PNPT1: variants seen among roughly 807,000 people sequenced by gnomAD.
PNPT1 encodes the protein polyribonucleotide nucleotidyltransferase 1, mitochondrial.
Under a neutral mutation model 119.5 loss-of-function variants are expected in PNPT1, and 53 were observed. The observed-to-expected ratio is 0.44, with a 90% CI of 0.36 to 0.56. The LOEUF (loss-of-function observed/expected upper bound fraction) is 0.56. Among genes scored for constraint, PNPT1 ranks in the 20% least tolerant of loss-of-function variants. The pLI is 0.00. For synonymous variants in PNPT1, 357 were observed against 322.1 expected (o/e 1.11, Z -1.16); for missense variants, 948 against 938.5 (o/e 1.01, Z -0.13).
chr2:55,668,331 G>C (rs1696803000), intron 11 of PNPT1, among the ~76,000 whole-genome samples: 1 of 152,138 alleles, frequency 6.6e-6, no homozygotes, highest in African/African-American at 2.4e-5. Flanking sequence ...CTGTCTCCTG[G>C]GTTCAAGCAA....
chr2:55,668,072 C>T (rs1413640193), intron 11 of PNPT1, 114 bp from the exon 12 acceptor site: 1 of 908,724 alleles, frequency 1.1e-6, no homozygotes, highest in African/African-American at 1.8e-5. Flanking sequence ...AGGGAGATGA[C>T]TCTGAACGTT....
chr2:55,666,947 C>T (rs1005743653), intron 13 of PNPT1, 44 bp downstream of exon 13: 5 of 1,298,884 alleles, frequency 3.8e-6, no homozygotes, highest in Middle Eastern at 2.4e-4. Flanking sequence ...TCTAATTAAA[C>T]AATCTTAATT....
At chr2:55,639,692 G>T (rs1318914357) in intron 26 of PNPT1, among the ~76,000 whole-genome samples, 1 of 152,084 alleles carries the variant, frequency 6.6e-6, no homozygotes, top group Admixed American at 6.6e-5. Flanking sequence ...TTAGGTTGCT[G>T]ATTATCTCTT....
intron 12 of PNPT1, 106 bp downstream of exon 12, chr2:55,667,756 C>T: frequency 1.5e-6 from 2 of 1,353,038 alleles, no homozygotes; most frequent in South Asian, 2.8e-5. Flanking sequence ...TAATTCTTTA[C>T]TGTTCACTTG....
At chr2:55,686,292 G>T in intron 3 of PNPT1, 78 bp downstream of exon 3, 1 of 1,358,702 alleles carries the variant, frequency 7.4e-7, no homozygotes, top group Non-Finnish European at 1.0e-6. Context: ...CCACTCACTA[G>T]ACACTGGACA....
chr2:55,654,374 A>T (rs1464369189), intron 18 of PNPT1, among the ~76,000 whole-genome samples: 2 of 152,176 alleles, frequency 1.3e-5, no homozygotes, highest in Non-Finnish European at 2.9e-5. Flanking sequence ...TACACGCCTG[A>T]GTGGCATTGT....
intron 23 of PNPT1, 27 bp from the exon 24 acceptor site, chr2:55,643,452 A>C (rs759681989): frequency 6.9e-6 from 11 of 1,598,850 alleles, no homozygotes; most frequent in Non-Finnish European, 9.4e-6. Context: ...GTAACATATT[A>C]AAGTTAACTT....
At position 55,667,929 on chromosome 2, in the gene PNPT1, T is replaced by C. The variant is rs1696789124; in HGVS notation, c.1006A>G (p.Ile336Val). The C allele has an allele frequency of 1.9e-6, 3 of 1,580,494 alleles. No individual in the cohort carries two copies. The highest frequency in any genetic ancestry group is 1.7e-6 in the Non-Finnish European group (2 of 1,171,854). The change falls in exon 12 of 28, where the codon ATA becomes GTA. Residue 336 changes from isoleucine to valine, a missense_variant. Ile to Val is a conservative substitution (Grantham distance 29). Coordinates refer to ENST00000447944, the MANE Select transcript of PNPT1 (RefSeq NM_033109.5). ...EKFPEADPYE[I>V]IESFNVVAKE... ...GCAACAACATTGAAGGATTCTATTA[T>C]TTCATATGGATCGGCTTCTGGAAAT... is the stretch of plus-strand genomic sequence containing the variant.
chr2:55,642,070 C>A (rs1353175980), intron 25 of PNPT1, among the ~76,000 whole-genome samples: 1 of 152,016 alleles, frequency 6.6e-6, no homozygotes, highest in Non-Finnish European at 1.5e-5. Flanking sequence ...TCGAACCCCC[C>A]ACTTCCTGAT....
chr2:55,684,057 TG>T (rs1284877074), intron 4 of PNPT1, among the ~76,000 whole-genome samples: 2 of 152,188 alleles, frequency 1.3e-5, no homozygotes, highest in Non-Finnish European at 2.9e-5. Flanking sequence ...CAATAAAGAT[TG>T]GGGAGCAATT....
At chr2:55,691,878 A>ATATATATATATATATTTTTTT (rs1326804958) in intron 1 of PNPT1, among the ~76,000 whole-genome samples, 1 of 33,122 alleles carries the variant, frequency 3.0e-5, no homozygotes, top group Non-Finnish European at 5.9e-5. Context: ...ATATATATAT[A>ATATATATATATATATTTTTTT]TTTTTTTTTT....
intron 1 of PNPT1, among the ~76,000 whole-genome samples, chr2:55,691,876 ATATTTTTTTTTTT>A (rs1334011313): frequency 6.5e-4 from 12 of 18,518 alleles, no homozygotes; most frequent in African/African-American, 2.1e-3. Flanking sequence ...ATATATATAT[ATATTTTTTTTTTT>A]TTTTTTTTTT....
chr2:55,678,407 A>G (rs1429975197), intron 8 of PNPT1, among the ~76,000 whole-genome samples: 4 of 152,230 alleles, frequency 2.6e-5, no homozygotes, highest in Non-Finnish European at 5.9e-5. Flanking sequence ...AGTCGAGGCT[A>G]TAGTCATGTG....
At chr2:55,638,930 A>C (rs544565607) in intron 26 of PNPT1, among the ~76,000 whole-genome samples, 3 of 152,018 alleles carry the variant, frequency 2.0e-5, no homozygotes, top group Non-Finnish European at 4.4e-5. Context: ...GCACGCCATC[A>C]TGCCCAGCTA....
intron 18 of PNPT1, among the ~76,000 whole-genome samples, chr2:55,653,243 A>G (rs1169572854): frequency 2.0e-5 from 3 of 152,226 alleles, no homozygotes; most frequent in Non-Finnish European, 4.4e-5. Flanking sequence ...TATACTTTAT[A>G]GAAAATACTT....
chr2:55,650,697 G>A (rs1346577829), intron 18 of PNPT1, among the ~76,000 whole-genome samples: 2 of 151,582 alleles, frequency 1.3e-5, no homozygotes, highest in African/African-American at 2.4e-5. Context: ...CGGGATGTGA[G>A]GAGCGTCTCT....
In PNPT1 at chr2:55,693,318, G is replaced by A. The variant is rs539930762; in HGVS notation, c.161+345C>T. On this transcript the variant is annotated intron_variant, in intron 1 of 27. Coordinates refer to ENST00000447944, the MANE Select transcript of PNPT1 (RefSeq NM_033109.5). ...CAGGGTCCGGGCCAGCATCCCGGGGGGCCTCGTCTCACCCACGTCAACTCG... is the reference window on the plus strand; with the variant it reads ...CAGGGTCCGGGCCAGCATCCCGGGGAGCCTCGTCTCACCCACGTCAACTCG... Among the ~76,000 whole-genome samples the A allele has an allele frequency of 7.4e-4, 113 of 152,230 alleles. 1 individual carries two copies. The highest frequency in any genetic ancestry group is 5.5e-4 in the African/African-American group (23 of 41,536).
intron 11 of PNPT1, among the ~76,000 whole-genome samples, chr2:55,670,088 T>C (rs1255616470): frequency 6.6e-6 from 1 of 151,806 alleles, no homozygotes. Flanking sequence ...AATATTCATG[T>C]GAGAGTATAT....
At chr2:55,656,482 T>G in intron 15 of PNPT1, 111 bp from the exon 16 acceptor site, 1 of 1,038,174 alleles carries the variant, frequency 9.6e-7, no homozygotes, top group East Asian at 2.6e-5. Flanking sequence ...CTCATTTTTG[T>G]TTTTTAAAAA....
Sources: allele counts gnomAD v4.1 joint callset (sites outside exome capture counted in the v4.1 genomes callset), GRCh38; gene constraint gnomAD v4.1.1; transcripts MANE v1.5; gene names NCBI Gene and HGNC (gene_info 2026-07-23, HGNC 2026-07-21).